Variants in MEF2A observed in about 807,000 individuals in gnomAD.
MEF2A encodes the protein myocyte enhancer factor 2A, also known as myocyte-specific enhancer factor 2A.
Under a neutral mutation model 55.8 loss-of-function variants are expected in MEF2A, and 28 were observed. The observed-to-expected ratio is 0.50, with a 90% confidence interval of 0.37 to 0.69. The LOEUF is 0.69. Ranked by LOEUF, MEF2A falls within the 30% of genes least tolerant of loss-of-function variation. MEF2A has a pLI of 0.00. For synonymous variants in MEF2A, 239 were observed against 227.1 expected (o/e 1.05, Z -0.47); for missense variants, 528 against 626.2 (o/e 0.84, Z 1.67).
chr15:99,675,149 G>T (rs536552459), intron 6 of MEF2A, among the ~76,000 whole-genome samples: 2 of 152,096 alleles, frequency 1.3e-5, no homozygotes, highest in African/African-American at 4.8e-5. Context: ...TACTATTTTG[G>T]TATTGATGCA....
At position 99,674,619 on chromosome 15, in the gene MEF2A, A is replaced by G; in HGVS notation, c.610+7A>G. On this transcript the variant is annotated splice_region_variant and intron_variant, in intron 6 of 11. Transcript: ENST00000557942. ...CCAAGTACTGGCAATGCAGGTATGTAGTGATACCTATTATGCTGGTTCTTT... is the reference window on the plus strand; with the variant it reads ...CCAAGTACTGGCAATGCAGGTATGTGGTGATACCTATTATGCTGGTTCTTT... The G allele has an allele frequency of 6.3e-7, 1 of 1,593,080 alleles. No homozygotes were observed. The highest frequency in any genetic ancestry group is 1.3e-5 in the African/African-American group (1 of 74,616).
intron 3 of MEF2A, among the ~76,000 whole-genome samples, chr15:99,635,648 GATTA>G (rs1177676494): frequency 6.6e-6 from 1 of 151,944 alleles, no homozygotes; most frequent in Non-Finnish European, 1.5e-5. Context: ...TAACACTATA[GATTA>G]ATTACACCTG....
At chr15:99,652,617 T>C (rs1028458068) in intron 4 of MEF2A, among the ~76,000 whole-genome samples, 1 of 152,174 alleles carries the variant, frequency 6.6e-6, no homozygotes, top group Non-Finnish European at 1.5e-5. Flanking sequence ...GTGGAATAGC[T>C]AAGACCTGAG....
At position 99,703,300 on chromosome 15, in the gene MEF2A, T is replaced by C. The variant is rs367864672; in HGVS notation, c.859-62T>C. The stretch of plus-strand genomic sequence containing the variant: ...CAAATATGTTTTTTCTAAAGAAATA[T>C]TTTGTTTGTGAGTACCAACAGTCTT... On this transcript the variant is annotated intron_variant, in intron 8 of 11. Transcript: ENST00000557942. The C allele has an allele frequency of 1.8e-5, 28 of 1,550,010 alleles. No individual in the cohort carries two copies. In the African/African-American group the frequency reaches 2.7e-4, roughly 15 times the overall value.
chr15:99,614,899 A>T (rs1161984943), intron 2 of MEF2A, among the ~76,000 whole-genome samples: 1 of 152,176 alleles, frequency 6.6e-6, no homozygotes, highest in African/African-American at 2.4e-5. Flanking sequence ...TGTGGCATGG[A>T]ATGAGGAGTT....
intron 8 of MEF2A, among the ~76,000 whole-genome samples, chr15:99,702,542 C>G (rs1184132304): frequency 6.6e-6 from 1 of 151,810 alleles, no homozygotes; most frequent in Non-Finnish European, 1.5e-5. Context: ...ATTCTCCTGC[C>G]TCAGTCTCCT....
At chr15:99,581,063 T>C (rs1268803500) in intron 1 of MEF2A, among the ~76,000 whole-genome samples, 2 of 152,018 alleles carry the variant, frequency 1.3e-5, no homozygotes, top group Non-Finnish European at 2.9e-5. Context: ...AAAGTTGGAA[T>C]TGTGTAGAAG....
At chr15:99,597,839 T>C (rs1429943279) in intron 1 of MEF2A, among the ~76,000 whole-genome samples, 1 of 152,188 alleles carries the variant, frequency 6.6e-6, no homozygotes, top group East Asian at 1.9e-4. Context: ...CTAGTGTTCC[T>C]TTATTAATGT....
At chr15:99,638,697 C>CT (rs918465090) in intron 3 of MEF2A, among the ~76,000 whole-genome samples, 55 of 151,760 alleles carry the variant, frequency 3.6e-4, no homozygotes, top group Admixed American at 7.9e-4. Flanking sequence ...CATTTTTAAG[C>CT]TTTTTTTTAA....
intron 3 of MEF2A, among the ~76,000 whole-genome samples, chr15:99,635,306 C>T (rs899028401): frequency 1.3e-5 from 2 of 152,156 alleles, no homozygotes; most frequent in South Asian, 2.1e-4. Flanking sequence ...AATCACACTT[C>T]ATTATTGGAA....
chr15:99,676,718 C>T lies in MEF2A; in HGVS notation c.670+1260C>T, dbSNP rs972265606. Among the ~76,000 whole-genome samples, 20 of 152,058 alleles carry T rather than the reference C, an allele frequency of 1.3e-4. 1 individual carries two copies. In the South Asian group the frequency reaches 2.7e-3, roughly 21 times the overall value. On this transcript the variant is annotated intron_variant, in intron 7 of 11. Transcript: ENST00000557942. ...CCGAGTAGCTGGGACTACAGGTGCCCGCCACCACGCCGGGCTAATTTTTTT... is the reference window on the plus strand; with the variant it reads ...CCGAGTAGCTGGGACTACAGGTGCCTGCCACCACGCCGGGCTAATTTTTTT...
chr15:99,647,326 C>T (rs951981113), intron 4 of MEF2A, among the ~76,000 whole-genome samples: 1 of 149,838 alleles, frequency 6.7e-6, no homozygotes, highest in African/African-American at 2.4e-5. Context: ...ATCTATATGT[C>T]TCATCAAAAG....
chr15:99,699,984 GTA>G (rs145627557), intron 8 of MEF2A, among the ~76,000 whole-genome samples: 28,152 of 108,268 alleles, frequency 0.26, 3,544 homozygotes, highest in Middle Eastern at 0.41. Context: ...GTGTGTGTGT[GTA>G]TATATATATA....
chr15:99,643,870 C>T (rs1410299786), intron 3 of MEF2A, among the ~76,000 whole-genome samples: 2 of 152,066 alleles, frequency 1.3e-5, no homozygotes, highest in Non-Finnish European at 2.9e-5. Context: ...GGATTACGGG[C>T]GTGAGCCACC....
chr15:99,674,515 G>C lies in MEF2A; in HGVS notation c.513G>C (p.Thr171=), dbSNP rs3803420. Reference sequence around the variant, plus strand: ...CCCCATCTTTGGCAGCCAGCTCAACGTTAACAGATTCAAGCATGCTCTCTC... The same window carrying C: ...CCCCATCTTTGGCAGCCAGCTCAACCTTAACAGATTCAAGCATGCTCTCTC... ...LVSPSLAASS[T]LTDSSMLSPP... Residue 171 remains threonine, a synonymous_variant, in exon 6 of 12, where the codon ACG becomes ACC. Coordinates refer to ENST00000557942, the MANE Select transcript of MEF2A (RefSeq NM_001319206.4). 3 of 1,613,926 alleles carry C rather than the reference G, an allele frequency of 1.9e-6. No homozygotes were observed. The highest frequency in any genetic ancestry group is 2.5e-6 in the Non-Finnish European group (3 of 1,179,888).
At chr15:99,653,200 AATG>A (rs2047136260) in intron 4 of MEF2A, among the ~76,000 whole-genome samples, 1 of 152,200 alleles carries the variant, frequency 6.6e-6, no homozygotes, top group African/African-American at 2.4e-5. Context: ...ATATAGTCTA[AATG>A]ATCTTTCAGT....
rs554597346 is a variant in MEF2A at position 99,582,704 on chromosome 15, A to G, written c.-224-15726A>G. On this transcript the variant is annotated intron_variant, in intron 1 of 11. Coordinates refer to ENST00000557942, the MANE Select transcript of MEF2A (RefSeq NM_001319206.4). ...TTGGACTGAGCTGAGCTTTCGACAT[A>G]TGGCTTTAAAGTCATCTCTGTAGCT... is the stretch of plus-strand genomic sequence containing the variant. Among the ~76,000 whole-genome samples, 6 of 152,212 alleles carry G rather than the reference A, an allele frequency of 3.9e-5. No homozygotes were observed. In the South Asian group the frequency reaches 1.0e-3, roughly 26 times the overall value.
In MEF2A at chr15:99,712,631, A is replaced by G; in HGVS notation, c.1378A>G (p.Ser460Gly). 2 of 1,552,586 alleles carry G rather than the reference A, an allele frequency of 1.3e-6. No homozygotes were observed. Among genetic ancestry groups the G allele is most frequent in the Non-Finnish European group, 1.7e-6 (2 of 1,147,508 alleles). ...CCCTGTGGACAGTCTGAGCAGCTCT[A>G]GTAGCTCCTATGATGGCAGTGATCG... ...RSPVDSLSSS[S>G]SSYDGSDRED... is the part of the protein sequence containing the mutation. The change falls in exon 12 of 12, where the codon AGT becomes GGT. Residue 460 changes from serine to glycine, a missense_variant. By Grantham distance (56) the Ser-to-Gly change is moderately conservative. This residue lies in a region of MEF2A where 450 missense variants were observed against 475.3 expected (regional missense o/e 0.95). Transcript: ENST00000557942. This position sits in a 1 kb window ranked among gnomAD's most constrained non-coding sequence, Gnocchi z 4.1.
intron 3 of MEF2A, among the ~76,000 whole-genome samples, chr15:99,640,277 A>G (rs902911516): frequency 2.6e-5 from 4 of 152,072 alleles, no homozygotes; most frequent in African/African-American, 9.7e-5. Flanking sequence ...GGATTTGTCA[A>G]TTTCTCTGTA....
Sources: gnomAD v4.1 joint callset for allele counts (sites outside exome capture counted in the v4.1 genomes callset) on GRCh38, gnomAD v4.1.1 for gene constraint, gnomAD v4.1.1 regional missense constraint, Gnocchi (gnomAD v3.1) non-coding constraint, MANE v1.5 for transcripts, NCBI Gene and HGNC (gene_info 2026-07-23, HGNC 2026-07-21) for gene names.